The following SLCO1B3 variants were observed in gnomAD, a reference collection of about 807,000 sequenced individuals.
SLCO1B3 encodes the protein liver-specific organic anion transporter 2.
In SLCO1B3, 72 loss-of-function variants were observed where a neutral mutation model predicts 71.8. That is an observed-to-expected ratio of 1.00 (90% CI 0.83 to 1.22). The LOEUF (loss-of-function observed/expected upper bound fraction) is 1.22. Among genes scored for constraint, SLCO1B3 ranks in the 50% most tolerant of loss-of-function variants. SLCO1B3 has a pLI of 0.00. For synonymous variants in SLCO1B3, 298 were observed against 278.4 expected (o/e 1.07, Z -0.70); for missense variants, 911 against 819.7 (o/e 1.11, Z -1.36).
chr12:20,831,567 T>C (rs1294044926), intron 3 of SLCO1B3, among the ~76,000 whole-genome samples: 1 of 152,198 alleles, frequency 6.6e-6, no homozygotes, highest in African/African-American at 2.4e-5. Context: ...TTGAATTTAG[T>C]TGCATTTCTG....
intron 3 of SLCO1B3, among the ~76,000 whole-genome samples, chr12:20,834,592 A>G (rs773512643): frequency 1.3e-5 from 2 of 151,634 alleles, no homozygotes; most frequent in Non-Finnish European, 2.9e-5. Flanking sequence ...GCTCCATGAA[A>G]ACATAGGTGT....
chr12:20,865,111 C>T (rs1255169593), intron 8 of SLCO1B3, among the ~76,000 whole-genome samples: 3 of 152,052 alleles, frequency 2.0e-5, no homozygotes, highest in African/African-American at 7.2e-5. Context: ...ACTAGCAGGA[C>T]ATATCTAGCT....
chr12:20,830,969 A>T (rs1224000061), intron 3 of SLCO1B3, among the ~76,000 whole-genome samples: 1 of 152,212 alleles, frequency 6.6e-6, no homozygotes, highest in Non-Finnish European at 1.5e-5. Flanking sequence ...GGTGGAAGAA[A>T]TAAGATTTCC....
Position 20,875,429 on chromosome 12 carries a change from A to T in SLCO1B3, c.922A>T (p.Thr308Ser). Residue 308 changes from threonine to serine, a missense_variant, in exon 9 of 16, where the codon ACA becomes TCA. Physicochemically the swap from Thr to Ser is moderately conservative, Grantham distance 58 (BLOSUM62 1). Transcript: ENST00000381545. The stretch of plus-strand genomic sequence containing the variant: ...GAAAACAAATGATGATAGAAATCAA[A>T]CAGCTAATTTGACCAACCAAGGAAA... ...VLKTNDDRNQ[T>S]ANLTNQGKNV... The T allele has an allele frequency of 6.2e-7, 1 of 1,605,154 alleles. No individual in the cohort carries two copies. The highest frequency in any genetic ancestry group is 8.5e-7 in the Non-Finnish European group (1 of 1,178,012).
rs1486947379 is a variant in SLCO1B3 at position 20,916,174 on chromosome 12, A to G, written c.2036A>G (p.His679Arg). ...TTAGAATTCTTAAATAATGGTGAAC[A>G]TTTTGTACCTTCTGCTGGAACAGAT... ...ANLEFLNNGE[H>R]FVPSAGTDSK... The change falls in exon 16 of 16, where the codon CAT (histidine) becomes CGT (arginine). Residue 679 changes from histidine to arginine, a missense_variant. By Grantham distance (29) the His-to-Arg change is conservative (BLOSUM62 0). Coordinates refer to ENST00000381545, the MANE Select transcript of SLCO1B3 (RefSeq NM_019844.4). 2 of 1,612,542 alleles carry G rather than the reference A, an allele frequency of 1.2e-6. No homozygotes were observed. The highest frequency in any genetic ancestry group is 2.2e-5 in the South Asian group (2 of 91,056).
rs371512520 is a variant in SLCO1B3 at position 20,858,493 on chromosome 12, C to T, written c.281C>T (p.Pro94Leu). The change falls in exon 5 of 16, where the codon CCG (proline) becomes CTG (leucine). Residue 94 changes from proline to leucine, a missense_variant. By Grantham distance (98) the Pro-to-Leu change is moderately conservative. Coordinates refer to ENST00000381545, the MANE Select transcript of SLCO1B3 (RefSeq NM_019844.4). ...TACTTTGGATCTAAACTACACAGAC[C>T]GAAGTTAATTGGAATTGGTTGTCTC... The part of the protein sequence containing the change: ...VSYFGSKLHR[P>L]KLIGIGCLLM... 6.4e-5 allele frequency: 102 copies of T among 1,598,724 alleles called. No homozygotes were observed. The highest frequency in any genetic ancestry group is 7.9e-5 in the Non-Finnish European group (92 of 1,166,304).
At chr12:20,876,853 C>G (rs1865589996) in intron 9 of SLCO1B3, among the ~76,000 whole-genome samples, 1 of 151,288 alleles carries the variant, frequency 6.6e-6, no homozygotes, top group Non-Finnish European at 1.5e-5. Context: ...TTTTTTGAGA[C>G]AGAGTCTCGC....
chr12:20,814,657 G>A lies in SLCO1B3; in HGVS notation c.-65-1017G>A, dbSNP rs150240058. 7.4e-3 allele frequency among the ~76,000 whole-genome samples: 1,123 copies of A among 152,202 alleles called. 12 individuals are homozygous for A. The highest frequency in any genetic ancestry group is 0.026 in the African/African-American group (1,077 of 41,560). On this transcript the variant is annotated intron_variant, in intron 2 of 15. Transcript: ENST00000381545. ...TGTAATCCCAGCACTTTGGGAGGCC[G>A]AGGCGGGCGGATCAGGAGGTCAGGA...
In SLCO1B3 at chr12:20,827,164, T is replaced by C. The variant is rs540554961; in HGVS notation, c.84+11342T>C. Reference sequence around the variant, plus strand: ...GATGACCATGTTTTGGGTTATAAGCTTTATAACCCTCATGCCAAATTTGGA... The same window carrying C: ...GATGACCATGTTTTGGGTTATAAGCCTTATAACCCTCATGCCAAATTTGGA... On this transcript the variant is annotated intron_variant, in intron 3 of 15. Coordinates refer to ENST00000381545, the MANE Select transcript of SLCO1B3 (RefSeq NM_019844.4). 7.9e-5 allele frequency among the ~76,000 whole-genome samples: 12 copies of C among 152,294 alleles called. No homozygotes were observed. The East Asian group carries it at 2.1e-3, about 27-fold the overall frequency.
intron 3 of SLCO1B3, among the ~76,000 whole-genome samples, chr12:20,841,438 TTAAAA>T (rs142746580): frequency 0.028 from 4,210 of 152,274 alleles, 203 homozygotes; most frequent in African/African-American, 0.095. Flanking sequence ...CACAAGTTAT[TTAAAA>T]TAAGATTTGC....
intron 15 of SLCO1B3, among the ~76,000 whole-genome samples, chr12:20,910,493 T>G (rs753453043): frequency 3.9e-5 from 6 of 152,158 alleles, no homozygotes; most frequent in Non-Finnish European, 8.8e-5. Flanking sequence ...ACAAAATAAC[T>G]TATAGAGATT....
intron 3 of SLCO1B3, among the ~76,000 whole-genome samples, chr12:20,825,508 A>C (rs1294126463): frequency 6.6e-6 from 1 of 152,150 alleles, no homozygotes; most frequent in Non-Finnish European, 1.5e-5. Context: ...TTAATTTAAC[A>C]GAATAGGCTG....
At chr12:20,902,680 A>T (rs750386951) in intron 15 of SLCO1B3, among the ~76,000 whole-genome samples, 2 of 152,320 alleles carry the variant, frequency 1.3e-5, no homozygotes, top group Non-Finnish European at 1.5e-5. Context: ...AAGGTATTGT[A>T]AGCAAAGTTC....
chr12:20,862,729 G>A (rs902719340), intron 7 of SLCO1B3, 27 bp from the exon 8 acceptor site: 1 of 1,551,162 alleles, frequency 6.4e-7, no homozygotes. Flanking sequence ...TGTGACATCT[G>A]ATTAAATTGT....
chr12:20,902,867 G>C, intron 15 of SLCO1B3, among the ~76,000 whole-genome samples: 1 of 151,874 alleles, frequency 6.6e-6, no homozygotes, highest in East Asian at 1.9e-4. Context: ...CCAGGAGTTC[G>C]AGACCAGCCT....
At chr12:20,828,302 TA>T (rs33953453) in intron 3 of SLCO1B3, among the ~76,000 whole-genome samples, 16,585 of 140,546 alleles carry the variant, frequency 0.12, 1,105 homozygotes, top group Middle Eastern at 0.2. Flanking sequence ...ACTATTTTAG[TA>T]AAAAAAAAAA....
At chr12:20,819,765 G>T (rs549923506) in intron 3 of SLCO1B3, among the ~76,000 whole-genome samples, 2 of 152,270 alleles carry the variant, frequency 1.3e-5, no homozygotes, top group East Asian at 3.9e-4. Flanking sequence ...TTGGCACTGA[G>T]CGGGGTAAGG....
chr12:20,818,658 G>A lies in SLCO1B3; in HGVS notation c.84+2836G>A, dbSNP rs925341994. The stretch of plus-strand genomic sequence containing the variant: ...TATTTCCTTGAGGATAGATTTCTAC[G>A]ATGGAAAGGAAATGAAAGGTTCTAA... On this transcript the variant is annotated intron_variant, in intron 3 of 15. Coordinates refer to ENST00000381545, the MANE Select transcript of SLCO1B3 (RefSeq NM_019844.4). Among the ~76,000 whole-genome samples, 6 of 151,772 alleles carry A rather than the reference G, an allele frequency of 4.0e-5. No homozygotes were observed. The South Asian group carries it at 1.0e-3, about 27-fold the overall frequency.
intron 12 of SLCO1B3, among the ~76,000 whole-genome samples, chr12:20,882,250 C>G (rs1204327843): frequency 1.3e-5 from 2 of 152,206 alleles, no homozygotes; most frequent in East Asian, 3.9e-4. Flanking sequence ...TTACTAAATC[C>G]TCAGTAAAAT....
Sources: allele counts gnomAD v4.1 joint callset (sites outside exome capture counted in the v4.1 genomes callset), GRCh38; gene constraint gnomAD v4.1.1; transcripts MANE v1.5; gene names NCBI Gene and HGNC (gene_info 2026-07-23, HGNC 2026-07-21).